U2SURP: variants seen among roughly 807,000 people sequenced by gnomAD.
U2SURP encodes U2 snRNP-associated SURP motif-containing protein.
Under a neutral mutation model 144.9 loss-of-function variants are expected in U2SURP, and 9 were observed. The ratio of observed to expected loss-of-function variants is 0.06; its 90% CI spans 0.04 to 0.11. The LOEUF (loss-of-function observed/expected upper bound fraction) is 0.11. Among genes scored for constraint, U2SURP ranks in the 10% least tolerant of loss-of-function variants. U2SURP has a pLI of 1.00. For missense variants in U2SURP, 724 were observed against 1,226.7 expected (o/e 0.59, Z 6.12); for synonymous variants, 408 against 396.8 (o/e 1.03, Z -0.33).
intron 6 of U2SURP, 80 bp downstream of exon 6, chr3:143,017,055 G>T: frequency 7.1e-7 from 1 of 1,408,930 alleles, no homozygotes; most frequent in Non-Finnish European, 9.3e-7. Flanking sequence ...GCAAGACTTT[G>T]GCTTTTTTTC....
intron 1 of U2SURP, among the ~76,000 whole-genome samples, chr3:143,005,560 C>A (rs932300823): frequency 6.6e-6 from 1 of 152,096 alleles, no homozygotes; most frequent in Non-Finnish European, 1.5e-5. Flanking sequence ...AACTGAACTT[C>A]CTTCCATTTT....
At chr3:143,034,167 GC>G (rs1933673975) in intron 18 of U2SURP, among the ~76,000 whole-genome samples, 1 of 152,152 alleles carries the variant, frequency 6.6e-6, no homozygotes, top group African/African-American at 2.4e-5. Context: ...ACTTTGGGAG[GC>G]CAAGAAGGGC....
rs1935066569 is a variant in U2SURP, at chr3:143,054,925, G to C, written c.2775-18G>C. ...CCTTTGCTCATTTATGGAATGTTTT[G>C]GGGGCTTTGTTCCATAGGAAGAGGC... On this transcript the variant is annotated intron_variant, in intron 26 of 27. Transcript: ENST00000473835. 6.4e-7 allele frequency: 1 copy of C among 1,567,428 alleles called. No homozygotes were observed. The highest frequency in any genetic ancestry group is 8.6e-7 in the Non-Finnish European group (1 of 1,163,910).
chr3:143,004,668 T>G (rs879298651), intron 1 of U2SURP, among the ~76,000 whole-genome samples: 2 of 151,104 alleles, frequency 1.3e-5, no homozygotes, highest in East Asian at 2.0e-4. Flanking sequence ...TTTATGTATG[T>G]GTATGTACTT....
In U2SURP at chr3:143,001,628, G is replaced by C. The variant is rs376927803; in HGVS notation, c.-1G>C. On this transcript the variant is annotated 5_prime_UTR_variant, in exon 1 of 28. Transcript: ENST00000473835. ...CCGCCGAAGGAGGGGCAAAGCTCAA[G>C]ATGGCGGACAAAACGCCAGGCGGAT... 6.2e-7 allele frequency: 1 copy of C among 1,614,042 alleles called. No homozygotes were observed. The highest frequency in any genetic ancestry group is 1.1e-5 in the South Asian group (1 of 91,072).
chr3:143,052,325 C>A (rs956694557), intron 25 of U2SURP, among the ~76,000 whole-genome samples: 3 of 151,976 alleles, frequency 2.0e-5, no homozygotes, highest in African/African-American at 7.3e-5. Context: ...ACCTGGGAGG[C>A]GGAGGTTGTC....
chr3:143,006,319 G>GGACA (rs1935830415), intron 1 of U2SURP, among the ~76,000 whole-genome samples: 1 of 152,178 alleles, frequency 6.6e-6, no homozygotes, highest in Non-Finnish European at 1.5e-5. Flanking sequence ...GTTAATGAGT[G>GGACA]GACAGCATAG....
chr3:143,031,801 C>T (rs1322707266), intron 16 of U2SURP, among the ~76,000 whole-genome samples: 1 of 152,138 alleles, frequency 6.6e-6, no homozygotes, highest in African/African-American at 2.4e-5. Context: ...ATACTTGTTG[C>T]ATTGATTCAT....
chr3:143,014,471 G>A (rs1372228542), intron 4 of U2SURP, 62 bp downstream of exon 4: 9 of 1,128,280 alleles, frequency 8.0e-6, no homozygotes, highest in Admixed American at 2.5e-5. Context: ...GGGTTAGTAA[G>A]TGTATTAGAG....
In U2SURP at chr3:143,059,933, A is replaced by G. The variant is rs1404890415; in HGVS notation, c.*3483A>G. 6.6e-6 allele frequency: 1 copy of G among 152,384 alleles called. No homozygotes were observed. Among genetic ancestry groups the G allele is most frequent in the Non-Finnish European group, 1.5e-5 (1 of 67,868 alleles). The allele number at this position is 152,384 out of a possible 1,614,324, so 9.4% of individuals were successfully genotyped here. A position where few individuals can be genotyped will look rare whatever the true frequency, so the allele number is the denominator to read the frequency against. On this transcript the variant is annotated 3_prime_UTR_variant, in exon 28 of 28. Coordinates refer to ENST00000473835, the MANE Select transcript of U2SURP (RefSeq NM_001080415.2). ...TTAATTCATTATCCTTTTGACTTAAAATTTTTGTTACCAACTTCCTAGGAC... is the reference window on the plus strand; with the variant it reads ...TTAATTCATTATCCTTTTGACTTAAGATTTTTGTTACCAACTTCCTAGGAC...
At chr3:143,009,691 G>A (rs1936022934) in intron 1 of U2SURP, among the ~76,000 whole-genome samples, 1 of 152,104 alleles carries the variant, frequency 6.6e-6, no homozygotes, top group Non-Finnish European at 1.5e-5. Flanking sequence ...CTATGCTAAT[G>A]CGCAATACAG....
intron 23 of U2SURP, among the ~76,000 whole-genome samples, chr3:143,040,035 C>G (rs1018967038): frequency 6.6e-6 from 1 of 151,782 alleles, no homozygotes; most frequent in Non-Finnish European, 1.5e-5. Flanking sequence ...GTTTTCTGAA[C>G]CCTTTTTATG....
rs775403807 is a variant in U2SURP at position 143,037,373 on chromosome 3, A to G, written c.2221+38A>G. 39 of 1,582,764 alleles carry G rather than the reference A, an allele frequency of 2.5e-5. No homozygotes were observed. The East Asian group carries it at 8.8e-4, about 36-fold the overall frequency. ...TTCAAACTGATTAAATCTAGCTAAT[A>G]CATTTGGTGACCAAAACTCTAATTT... On this transcript the variant is annotated intron_variant, in intron 21 of 27. Transcript: ENST00000473835.
At chr3:143,001,875 C>T (rs1208980531) in intron 1 of U2SURP, among the ~76,000 whole-genome samples, 1 of 152,222 alleles carries the variant, frequency 6.6e-6, no homozygotes, top group Non-Finnish European at 1.5e-5. Context: ...CAGCTCGAGA[C>T]TGGCGTGCCC....
chr3:143,050,794 A>G (rs1395425595), intron 24 of U2SURP, 145 bp from the exon 25 acceptor site: 2 of 539,732 alleles, frequency 3.7e-6, no homozygotes, highest in Non-Finnish European at 6.7e-6. Context: ...GCCTAGTTGG[A>G]CTTGTCTGAC....
At position 143,034,984 on chromosome 3, in the gene U2SURP, ATTG is replaced by A. The variant is rs781666011; in HGVS notation, c.1941+12_1941+14del. The A allele has an allele frequency of 1.8e-6, 2 of 1,106,608 alleles. No homozygotes were observed. Among genetic ancestry groups the A allele is most frequent in the Admixed American group, 2.6e-5 (1 of 38,328 alleles). 68.5% of individuals were successfully genotyped at this position (1,106,608 alleles called of 1,614,324 possible). Reference sequence around the variant, plus strand: ...AATCTGAAAACTTTAAGGTACGTTTATTGTTTTACTATTTTTGCCCTAGTGTTT... The same window carrying A: ...AATCTGAAAACTTTAAGGTACGTTTATTTTACTATTTTTGCCCTAGTGTTT... On this transcript the variant is annotated intron_variant, in intron 19 of 27. Transcript: ENST00000473835.
At chr3:143,032,637 A>G in intron 16 of U2SURP, 147 bp from the exon 17 acceptor site, 1 of 588,946 alleles carries the variant, frequency 1.7e-6, no homozygotes, top group Non-Finnish European at 2.8e-6. Context: ...ATTTTGGGGG[A>G]CACAACACAA....
chr3:143,017,649 GTC>G (rs1936437594), intron 6 of U2SURP, among the ~76,000 whole-genome samples: 2 of 151,000 alleles, frequency 1.3e-5, no homozygotes, highest in South Asian at 2.1e-4. Flanking sequence ...TTTTGAGACA[GTC>G]TCTCTGTCAC....
chr3:143,004,349 G>A lies in U2SURP; in HGVS notation c.45+2676G>A, dbSNP rs113370241. Among the ~76,000 whole-genome samples the A allele has an allele frequency of 5.0e-3, 664 of 131,676 alleles. 5 individuals carry two copies. Among genetic ancestry groups the A allele is most frequent in the African/African-American group, 0.019 (636 of 33,920 alleles). 86.4% of individuals were successfully genotyped at this position (131,676 alleles called of 152,430 possible). Reference sequence around the variant, plus strand: ...ATAACCTCTACAGGTCTTCTAGTTGGGGTGTTTTTTTTTTTTTTTTTTTTT... The same window carrying A: ...ATAACCTCTACAGGTCTTCTAGTTGAGGTGTTTTTTTTTTTTTTTTTTTTT... On this transcript the variant is annotated intron_variant, in intron 1 of 27. Transcript: ENST00000473835.
Sources: allele counts gnomAD v4.1 joint callset (sites outside exome capture counted in the v4.1 genomes callset), GRCh38; gene constraint gnomAD v4.1.1; transcripts MANE v1.5; gene names NCBI Gene and HGNC (gene_info 2026-07-23, HGNC 2026-07-21).